The following FBXO24 variants were observed in gnomAD, a reference collection of about 807,000 sequenced individuals.
FBXO24 encodes the protein F-box protein 24.
A neutral mutation model predicts 63.5 loss-of-function variants in FBXO24; 30 were observed. The ratio of observed to expected loss-of-function variants is 0.47; its 90% CI spans 0.35 to 0.64. FBXO24 has a LOEUF of 0.64. FBXO24 is among the 30% of genes least tolerant of loss of function. The pLI, the probability that FBXO24 is intolerant of heterozygous loss-of-function variation, is 0.00. For synonymous variants in FBXO24, 300 were observed against 305.0 expected (o/e 0.98, Z 0.17); for missense variants, 624 against 763.4 (o/e 0.82, Z 2.15).
In FBXO24 at chr7:100,594,493, C is replaced by T. The variant is rs776780277; in HGVS notation, c.904C>T (p.Arg302Cys). 39 of 1,612,846 alleles carry T rather than the reference C, an allele frequency of 2.4e-5. No individual in the cohort carries two copies. The East Asian group carries it at 2.9e-4, about 12-fold the overall frequency. Reference sequence around the variant, plus strand: ...GGTGTCCCACTACCTGCCTCACCTGCGCGTGGCCTGCATGACTTCCAACCA... The same window carrying T: ...GGTGTCCCACTACCTGCCTCACCTGTGCGTGGCCTGCATGACTTCCAACCA... ...RKVSHYLPHL[R>C]VACMTSNQSS... Residue 302 changes from arginine to cysteine, a missense_variant, in exon 6 of 10, where the codon CGC becomes TGC. Transcript: ENST00000241071. This position sits in a 1 kb window ranked among gnomAD's most constrained non-coding sequence, Gnocchi z 4.2.
rs781210535 is a variant in FBXO24 at position 100,592,861 on chromosome 7, G to A, written c.637G>A (p.Val213Met). 6.2e-7 allele frequency: 1 copy of A among 1,614,086 alleles called. No homozygotes were observed. Among genetic ancestry groups the A allele is most frequent in the Non-Finnish European group, 8.5e-7 (1 of 1,180,060 alleles). The part of the protein sequence containing the change: ...VLATREPQEV[V>M]GTTSSRACDC... ...GGCCACTCGGGAGCCGCAGGAAGTG[G>A]TGGGTACCACCAGCAGCCGGGCCTG... Residue 213 changes from valine (V) to methionine (M), a missense_variant, in exon 5 of 10, where the codon GTG (valine) becomes ATG (methionine). Transcript: ENST00000241071.
chr7:100,595,133 C>A lies in FBXO24; in HGVS notation c.984C>A (p.Thr328=). ...GGGGAGTGTATTTTGAGGTGCATAC[C>A]CCAGGGGTGTATCGCGATCTCTTTG... is the stretch of plus-strand genomic sequence containing the variant. ...DQGGVYFEVH[T]PGVYRDLFGT... The change falls in exon 7 of 10, where the codon ACC becomes ACA. Residue 328 remains threonine (T), a synonymous_variant. Transcript: ENST00000241071. The A allele has an allele frequency of 6.2e-7, 1 of 1,613,932 alleles. No homozygotes were observed. Among genetic ancestry groups the A allele is most frequent in the Non-Finnish European group, 8.5e-7 (1 of 1,179,962 alleles).
At position 100,590,430 on chromosome 7, in the gene FBXO24, C is replaced by CT. The variant is rs1437775243; in HGVS notation, c.322+74dup. 1.1e-5 allele frequency: 17 copies of CT among 1,478,616 alleles called. No individual in the cohort carries two copies. The African/African-American group carries it at 2.0e-4, about 17-fold the overall frequency. The allele number at this position is 1,478,616 out of a possible 1,614,324, so 91.6% of individuals were successfully genotyped here. On this transcript the variant is annotated intron_variant, in intron 3 of 9. Transcript: ENST00000241071. ...TAGCCTTCCTGCTCTCTAAAGTCCC[C>CT]TGATGACCCCCACACTCCCAACAGT...
At position 100,592,886 on chromosome 7, in the gene FBXO24, G is replaced by C. The variant is rs772432971; in HGVS notation, c.662G>C (p.Cys221Ser). ...EVVGTTSSRA[C>S]DCVEVYLQSS... ...GTGGGTACCACCAGCAGCCGGGCCT[G>C]TGACTGTGTTGAGGTCTATCTGCAG... Residue 221 changes from cysteine to serine, a missense_variant, in exon 5 of 10, where the codon TGT (cysteine) becomes TCT (serine). This residue lies in a region of FBXO24 where 391 missense variants were observed against 469.1 expected (regional missense o/e 0.83). Transcript: ENST00000241071. 3.1e-6 allele frequency: 5 copies of C among 1,614,234 alleles called. No individual in the cohort carries two copies. Among genetic ancestry groups the C allele is most frequent in the Non-Finnish European group, 4.2e-6 (5 of 1,180,046 alleles).
intron 5 of FBXO24, 92 bp downstream of exon 5, chr7:100,593,109 G>C: frequency 3.1e-6 from 3 of 971,080 alleles, no homozygotes; most frequent in Non-Finnish European, 4.8e-6. Context: ...CCTCAGACTG[G>C]GTTCCATATG....
At position 100,600,704 on chromosome 7, in the gene FBXO24, C is replaced by G. The variant is rs1190501075; in HGVS notation, c.1548C>G (p.Ala516=). Residue 516 remains alanine, a synonymous_variant, in exon 10 of 10, where the codon GCC becomes GCG. Transcript: ENST00000241071. The surrounding 1 kb of genome is among the most constrained non-coding windows in gnomAD (Gnocchi z 6.3). The part of the protein sequence containing the change: ...ARAPQDPGGM[A]QACEEYLSQI... ...CACCCCAGGACCCCGGGGGGATGGC[C>G]CAGGCCTGCGAGGAGTACCTCAGCC... 1 of 1,614,080 alleles carries G rather than the reference C, an allele frequency of 6.2e-7. No individual in the cohort carries two copies. Among genetic ancestry groups the G allele is most frequent in the East Asian group, 2.2e-5 (1 of 44,896 alleles).
chr7:100,595,003 T>A, intron 6 of FBXO24, 99 bp from the exon 7 acceptor site: 3 of 1,518,260 alleles, frequency 2.0e-6, no homozygotes, highest in Non-Finnish European at 2.7e-6. Context: ...CTAGTGGGTA[T>A]GAGACTCCTT....
chr7:100,589,264 A>C, intron 1 of FBXO24: 2 of 364,982 alleles, frequency 5.5e-6, no homozygotes, highest in Non-Finnish European at 7.7e-6. Flanking sequence ...TTGAGTCTAT[A>C]CTCTTGAGCT....
At chr7:100,587,312 T>C (rs1263314118) in intron 1 of FBXO24, among the ~76,000 whole-genome samples, 1 of 152,178 alleles carries the variant, frequency 6.6e-6, no homozygotes, top group Non-Finnish European at 1.5e-5. Flanking sequence ...TTTTATTTTT[T>C]TATTTTTTGA....
rs115302684 is a variant in FBXO24 at position 100,590,015 on chromosome 7, G to T, written c.78G>T (p.Gly26=). 7.2e-4 allele frequency: 1,154 copies of T among 1,613,746 alleles called. 6 individuals are homozygous for T. The African/African-American group carries it at 0.014, about 19-fold the overall frequency. Residue 26 remains glycine, a synonymous_variant, in exon 2 of 10, where the codon GGG becomes GGT. Coordinates refer to ENST00000241071, the MANE Select transcript of FBXO24 (RefSeq NM_033506.3). The part of the protein sequence containing the change: ...RSCPSCGSEL[G]VEEKRGKGNP... ...GCCCTTCTTGTGGCTCGGAGCTTGG[G>T]GTTGAAGAGAAGAGGGGGAAAGGAA...
At chr7:100,593,904 A>G (rs1159709625) in intron 5 of FBXO24, among the ~76,000 whole-genome samples, 3 of 151,614 alleles carry the variant, frequency 2.0e-5, no homozygotes, top group African/African-American at 4.8e-5. Flanking sequence ...ATACTCAACC[A>G]CATCCCCAGG....
rs1187670277 is a variant in FBXO24, at chr7:100,595,180, C to T, written c.1031C>T (p.Pro344Leu). 6.2e-7 allele frequency: 1 copy of T among 1,614,114 alleles called. No homozygotes were observed. Among genetic ancestry groups the T allele is most frequent in the Admixed American group, 1.7e-5 (1 of 60,020 alleles). ...DLFGTLQAFD[P>L]LDQQMPLALS... ...TTTGGGACCCTTCAAGCCTTTGACCCCCTGGACCAGCAGATGCCGCTTGCT... is the reference window on the plus strand; with the variant it reads ...TTTGGGACCCTTCAAGCCTTTGACCTCCTGGACCAGCAGATGCCGCTTGCT... Residue 344 changes from proline to leucine, a missense_variant, in exon 7 of 10, where the codon CCC (proline) becomes CTC (leucine). Coordinates refer to ENST00000241071, the MANE Select transcript of FBXO24 (RefSeq NM_033506.3).
At position 100,590,044 on chromosome 7, in the gene FBXO24, C is replaced by T. The variant is rs778850634; in HGVS notation, c.107C>T (p.Pro36Leu). Reference protein sequence around the residue: ...GVEEKRGKGNPISIQLFPPEL... With the variant: ...GVEEKRGKGNLISIQLFPPEL... Reference sequence around the variant, plus strand: ...GAAGAGAAGAGGGGGAAAGGAAATCCGATTTCCATCCAGTTGTTCCCCCCA... The same window carrying T: ...GAAGAGAAGAGGGGGAAAGGAAATCTGATTTCCATCCAGTTGTTCCCCCCA... Residue 36 changes from proline (P) to leucine (L), a missense_variant, in exon 2 of 10, where the codon CCG (proline) becomes CTG (leucine). Physicochemically the swap from Pro to Leu is moderately conservative, Grantham distance 98 (BLOSUM62 -3). Coordinates refer to ENST00000241071, the MANE Select transcript of FBXO24 (RefSeq NM_033506.3). The T allele has an allele frequency of 6.2e-6, 10 of 1,613,360 alleles. No individual in the cohort carries two copies. The East Asian group carries it at 6.7e-5, about 11-fold the overall frequency.
chr7:100,592,774 T>C lies in FBXO24; in HGVS notation c.559-9T>C. 4 of 1,611,886 alleles carry C rather than the reference T, an allele frequency of 2.5e-6. No individual in the cohort carries two copies. Among genetic ancestry groups the C allele is most frequent in the Non-Finnish European group, 3.4e-6 (4 of 1,178,500 alleles). On this transcript the variant is annotated splice_polypyrimidine_tract_variant and intron_variant, in intron 4 of 9. Coordinates refer to ENST00000241071, the MANE Select transcript of FBXO24 (RefSeq NM_033506.3). Reference sequence around the variant, plus strand: ...TCTAGATCCCAGACGCCCTCATCTTTTCCCCCAGTTTGCCTCGGACCCAAG... The same window carrying C: ...TCTAGATCCCAGACGCCCTCATCTTCTCCCCCAGTTTGCCTCGGACCCAAG...
At chr7:100,596,984 G>A (rs1464669856) in intron 8 of FBXO24, among the ~76,000 whole-genome samples, 1 of 152,190 alleles carries the variant, frequency 6.6e-6, no homozygotes, top group Admixed American at 6.5e-5. Flanking sequence ...AGAGGTTGCG[G>A]TGAGCCGAGA....
chr7:100,599,980 C>A, intron 8 of FBXO24, 51 bp from the exon 9 acceptor site: 2 of 1,478,252 alleles, frequency 1.4e-6, no homozygotes, highest in East Asian at 2.4e-5. Context: ...CACCCCAGCC[C>A]CCCCGTCCCT....
chr7:100,597,902 T>G (rs570767624), intron 8 of FBXO24, among the ~76,000 whole-genome samples: 17 of 151,404 alleles, frequency 1.1e-4, no homozygotes, highest in South Asian at 4.2e-4. Context: ...TGTTTTTTTT[T>G]TTTTTAGAGA....
At chr7:100,586,798 G>A in intron 1 of FBXO24, 134 bp downstream of exon 1, 1 of 963,200 alleles carries the variant, frequency 1.0e-6, no homozygotes, top group Non-Finnish European at 1.7e-6. Context: ...GGGCTTGAGG[G>A]GATTCGGGCG....
chr7:100,595,777 C>T, intron 8 of FBXO24, 71 bp downstream of exon 8: 1 of 1,492,422 alleles, frequency 6.7e-7, no homozygotes, highest in Non-Finnish European at 9.0e-7. Context: ...GATCTGTCCA[C>T]TTCTCCAGAT....
Sources: allele counts gnomAD v4.1 joint callset (sites outside exome capture counted in the v4.1 genomes callset), GRCh38; gene constraint gnomAD v4.1.1; regional missense constraint gnomAD v4.1.1; non-coding constraint Gnocchi (gnomAD v3.1); transcripts MANE v1.5; gene names NCBI Gene and HGNC (gene_info 2026-07-23, HGNC 2026-07-21).